The following UBE2E2 variants were observed in gnomAD, a reference collection of about 807,000 sequenced individuals.
UBE2E2 encodes ubiquitin-conjugating enzyme E2 E2.
UBE2E2 carries 6 observed loss-of-function variants against 24.7 expected under a neutral mutation model. That is an observed-to-expected ratio of 0.24 (90% confidence interval 0.13 to 0.48). The LOEUF is 0.48. UBE2E2 is among the 20% of genes least tolerant of loss of function. UBE2E2 has a pLI of 0.99. For missense variants in UBE2E2, 169 were observed against 245.0 expected (o/e 0.69, Z 2.07); for synonymous variants, 104 against 83.6 (o/e 1.24, Z -1.33).
intron 3 of UBE2E2, among the ~76,000 whole-genome samples, chr3:23,291,724 C>T (rs1281036242): frequency 6.8e-6 from 1 of 146,690 alleles, no homozygotes; most frequent in African/African-American, 2.5e-5. Context: ...ACTCTGTTGC[C>T]CAGGCTGGAG....
intron 5 of UBE2E2, among the ~76,000 whole-genome samples, chr3:23,553,829 TA>T (rs1695709395): frequency 6.6e-6 from 1 of 152,100 alleles, no homozygotes; most frequent in South Asian, 2.1e-4. Context: ...TACTTAGGAA[TA>T]AATTTAACCA....
At chr3:23,285,687 C>G (rs1309432872) in intron 3 of UBE2E2, among the ~76,000 whole-genome samples, 1 of 152,104 alleles carries the variant, frequency 6.6e-6, no homozygotes, top group Non-Finnish European at 1.5e-5. Flanking sequence ...TGAGAGACAT[C>G]TATTCAGATC....
chr3:23,427,220 A>G lies in UBE2E2; in HGVS notation c.228-72388A>G, dbSNP rs188859437. ...GCAGATTGCTTGAGCCCAGGGGTTC[A>G]AGACCAGCCTGGGCAACATGTTGAA... On this transcript the variant is annotated intron_variant, in intron 3 of 5. Transcript: ENST00000396703. Among the ~76,000 whole-genome samples the G allele has an allele frequency of 1.7e-3, 256 of 151,164 alleles. 1 individual carries two copies. The highest frequency in any genetic ancestry group is 6.0e-3 in the African/African-American group (247 of 41,104).
Position 23,571,554 on chromosome 3 carries a change from C to T in UBE2E2, c.509-18180C>T, listed in dbSNP as rs565799753. 9.7e-4 allele frequency among the ~76,000 whole-genome samples: 147 copies of T among 152,088 alleles called. No homozygotes were observed. In the Middle Eastern group the frequency reaches 0.01, roughly 11 times the overall value. ...CCGCCCATCTCGGCCTCCCAAAGTG[C>T]TGGGATTACAGGCGTGAGCCATCAC... is the stretch of plus-strand genomic sequence containing the variant. On this transcript the variant is annotated intron_variant, in intron 5 of 5. Coordinates refer to ENST00000396703, the MANE Select transcript of UBE2E2 (RefSeq NM_152653.4).
chr3:23,256,079 T>C lies in UBE2E2; in HGVS notation c.227+38767T>C, dbSNP rs533859716. ...GGAGACAGCACTGTGCTGCCTATCA[T>C]AGACCACTATAAAGAGATCATTCTG... On this transcript the variant is annotated intron_variant, in intron 3 of 5. Coordinates refer to ENST00000396703, the MANE Select transcript of UBE2E2 (RefSeq NM_152653.4). Among the ~76,000 whole-genome samples the C allele has an allele frequency of 6.5e-4, 99 of 152,254 alleles. 1 individual carries two copies. Among genetic ancestry groups the C allele is most frequent in the Non-Finnish European group, 2.1e-4 (14 of 68,038 alleles).
chr3:23,447,542 C>CAATG (rs1290326242), intron 3 of UBE2E2, among the ~76,000 whole-genome samples: 1 of 152,140 alleles, frequency 6.6e-6, no homozygotes, highest in East Asian at 1.9e-4. Context: ...ACTACCTCAA[C>CAATG]AATGCTCTTG....
chr3:23,287,874 C>A (rs955604746), intron 3 of UBE2E2, among the ~76,000 whole-genome samples: 1 of 144,676 alleles, frequency 6.9e-6, no homozygotes, highest in African/African-American at 2.5e-5. Context: ...TTTCTCTTTT[C>A]TAAAAACACA....
In UBE2E2 at chr3:23,319,971, G is replaced by GT. The variant is rs373871255; in HGVS notation, c.227+102664dup. ...CCCTAAGATCTGGCTAGCATTGGTA[G>GT]TTTTTCCCCAGTGGTGGACTTAGAG... is the stretch of plus-strand genomic sequence containing the variant. On this transcript the variant is annotated intron_variant, in intron 3 of 5. Transcript: ENST00000396703. Among the ~76,000 whole-genome samples the GT allele has an allele frequency of 4.0e-3, 612 of 152,308 alleles. 5 individuals carry two copies. Among genetic ancestry groups the GT allele is most frequent in the African/African-American group, 0.014 (562 of 41,576 alleles).
At chr3:23,205,132 A>G (rs1696112851) in intron 1 of UBE2E2, among the ~76,000 whole-genome samples, 1 of 152,190 alleles carries the variant, frequency 6.6e-6, no homozygotes, top group African/African-American at 2.4e-5. Context: ...AAGTAACAAT[A>G]TGTAAGCCTC....
chr3:23,266,548 G>A (rs1185531834), intron 3 of UBE2E2, among the ~76,000 whole-genome samples: 1 of 152,024 alleles, frequency 6.6e-6, no homozygotes, highest in Non-Finnish European at 1.5e-5. Flanking sequence ...TGGGTAACCT[G>A]ACCTTTCTCT....
At chr3:23,480,427 G>A (rs908937657) in intron 3 of UBE2E2, among the ~76,000 whole-genome samples, 2 of 152,216 alleles carry the variant, frequency 1.3e-5, no homozygotes, top group Non-Finnish European at 2.9e-5. Flanking sequence ...AGCCATGGCT[G>A]GGTGGCTGCA....
In UBE2E2 at chr3:23,582,860, AGTGT is replaced by A. The variant is rs58053821; in HGVS notation, c.509-6843_509-6840del. On this transcript the variant is annotated intron_variant, in intron 5 of 5. Transcript: ENST00000396703. The stretch of plus-strand genomic sequence containing the variant: ...TGTAGAGTGTCTGTTTATTCTGTTG[AGTGT>A]GTGTGTGTGTGTGTGTGTGTGTGTG... Among the ~76,000 whole-genome samples the A allele has an allele frequency of 3.2e-3, 368 of 116,784 alleles. 4 individuals are homozygous for A. Among genetic ancestry groups the A allele is most frequent in the South Asian group, 0.031 (106 of 3,396 alleles). 76.6% of individuals were successfully genotyped at this position (116,784 alleles called of 152,430 possible).
intron 3 of UBE2E2, among the ~76,000 whole-genome samples, chr3:23,338,286 C>T (rs551508458): frequency 1.3e-5 from 2 of 151,748 alleles, no homozygotes; most frequent in South Asian, 4.2e-4. Flanking sequence ...GATTAAGCAA[C>T]TAAATATGTG....
intron 1 of UBE2E2, chr3:23,204,911 T>C (rs1559437724): frequency 3.9e-6 from 1 of 258,818 alleles, no homozygotes; most frequent in Non-Finnish European, 6.0e-6. Context: ...AGTTTTATAC[T>C]AGTAGATACT....
intron 4 of UBE2E2, among the ~76,000 whole-genome samples, chr3:23,518,671 A>G (rs778574957): frequency 3.3e-5 from 5 of 152,148 alleles, no homozygotes; most frequent in Non-Finnish European, 7.4e-5. Context: ...GAAGTGGTGC[A>G]GGCTTGATGG....
chr3:23,489,021 C>T (rs1357436508), intron 3 of UBE2E2, among the ~76,000 whole-genome samples: 1 of 152,048 alleles, frequency 6.6e-6, no homozygotes, highest in African/African-American at 2.4e-5. Flanking sequence ...TAATGGTTAC[C>T]TTTCTGGTTT....
chr3:23,387,236 CGTT>C (rs1553607394), intron 3 of UBE2E2, among the ~76,000 whole-genome samples: 10 of 152,142 alleles, frequency 6.6e-5, no homozygotes, highest in Non-Finnish European at 1.5e-4. Context: ...ACAGGGCAGA[CGTT>C]GTAATAGAGG....
At chr3:23,396,885 G>T (rs1431617012) in intron 3 of UBE2E2, among the ~76,000 whole-genome samples, 1 of 152,132 alleles carries the variant, frequency 6.6e-6, no homozygotes, top group Non-Finnish European at 1.5e-5. Context: ...GGGGGATGTG[G>T]TCACAAACCA....
intron 3 of UBE2E2, among the ~76,000 whole-genome samples, chr3:23,417,796 G>A (rs535247008): frequency 1.2e-4 from 18 of 152,276 alleles, no homozygotes; most frequent in Admixed American, 2.6e-4. Flanking sequence ...CTACAGCGGC[G>A]CTTTGCAAGC....
Sources: gnomAD v4.1 joint callset for allele counts (sites outside exome capture counted in the v4.1 genomes callset) on GRCh38, gnomAD v4.1.1 for gene constraint, MANE v1.5 for transcripts, NCBI Gene and HGNC (gene_info 2026-07-23, HGNC 2026-07-21) for gene names.